Variants in NCEH1 observed in about 807,000 individuals in gnomAD.
The protein encoded by NCEH1 is 2-acetyl MAGE hydrolase.
NCEH1 carries 9 observed loss-of-function variants against 25.4 expected under a neutral mutation model. That is an observed-to-expected ratio of 0.35 (90% CI 0.21 to 0.62). NCEH1 has a LOEUF of 0.62. NCEH1 is among the 20% of genes least tolerant of loss of function. The probability of loss-of-function intolerance (pLI) is 0.72; values close to 1 mark genes in which losing one functional copy is unlikely to be tolerated. For missense variants in NCEH1, 412 were observed against 501.1 expected (o/e 0.82, Z 1.70); for synonymous variants, 200 against 199.8 (o/e 1.00, Z -0.01).
intron 1 of NCEH1, among the ~76,000 whole-genome samples, chr3:172,683,202 G>A (rs1488725353): frequency 1.5e-5 from 1 of 66,822 alleles, no homozygotes; most frequent in East Asian, 3.3e-4. Flanking sequence ...AGGAGATCGA[G>A]ACCATCCCAG....
intron 1 of NCEH1, among the ~76,000 whole-genome samples, chr3:172,652,791 G>A (rs1392932353): frequency 1.3e-5 from 2 of 152,056 alleles, no homozygotes; most frequent in Non-Finnish European, 2.9e-5. Context: ...TGCCTCCCTG[G>A]TTGAAGCGAT....
intron 1 of NCEH1, among the ~76,000 whole-genome samples, chr3:172,701,452 T>TTTTC: frequency 7.3e-6 from 1 of 136,334 alleles, no homozygotes; most frequent in East Asian, 2.0e-4. Context: ...CTTTTGCCTT[T>TTTTC]TTTTTTTTTT....
chr3:172,693,297 TTAAG>T (rs1713169104), intron 1 of NCEH1, among the ~76,000 whole-genome samples: 1 of 152,218 alleles, frequency 6.6e-6, no homozygotes, highest in Admixed American at 6.5e-5. Flanking sequence ...GACTATATGT[TTAAG>T]TATAACTTCA....
At position 172,633,332 on chromosome 3, in the gene NCEH1, G is replaced by C; in HGVS notation, c.*143C>G. On this transcript the variant is annotated 3_prime_UTR_variant, in exon 5 of 5. Transcript: ENST00000475381. ...TTTTTAAAAATTAGGTTATCATAAA[G>C]ACTTCAGTTATGGAATAGAAATTCC... 1 of 797,112 alleles carries C rather than the reference G, an allele frequency of 1.3e-6. No homozygotes were observed. Among genetic ancestry groups the C allele is most frequent in the Non-Finnish European group, 2.0e-6 (1 of 498,484 alleles). The allele number at this position is 797,112 out of a possible 1,614,324, so 49.4% of individuals were successfully genotyped here.
chr3:172,643,070 C>A (rs1040513914), intron 3 of NCEH1, among the ~76,000 whole-genome samples: 2 of 152,028 alleles, frequency 1.3e-5, no homozygotes, highest in Non-Finnish European at 2.9e-5. Flanking sequence ...TCCCCAGTAG[C>A]TGGGATTACA....
At chr3:172,651,191 A>G (rs550079555) in intron 1 of NCEH1, among the ~76,000 whole-genome samples, 1 of 152,270 alleles carries the variant, frequency 6.6e-6, no homozygotes, top group East Asian at 1.9e-4. Flanking sequence ...GACATTAAGG[A>G]GCCAGTACAG....
intron 1 of NCEH1, among the ~76,000 whole-genome samples, chr3:172,708,379 G>C (rs761660259): frequency 1.4e-4 from 21 of 152,264 alleles, no homozygotes; most frequent in Non-Finnish European, 2.9e-4. Context: ...TTTTGAGACA[G>C]AGTTTCACTC....
At chr3:172,701,335 G>A (rs981632478) in intron 1 of NCEH1, among the ~76,000 whole-genome samples, 2 of 151,552 alleles carry the variant, frequency 1.3e-5, no homozygotes, top group South Asian at 2.1e-4. Context: ...CTTCCTCTCC[G>A]ATGCTCCATA....
At chr3:172,646,760 C>T (rs1482220201) in intron 2 of NCEH1, among the ~76,000 whole-genome samples, 1 of 152,226 alleles carries the variant, frequency 6.6e-6, no homozygotes, top group African/African-American at 2.4e-5. Context: ...TGTAATCCAT[C>T]CCATTCCTGG....
intron 2 of NCEH1, 26 bp from the exon 3 acceptor site, chr3:172,645,718 T>C (rs755141221): frequency 5.5e-6 from 8 of 1,462,258 alleles, no homozygotes; most frequent in Non-Finnish European, 6.6e-6. Flanking sequence ...GGAACAATCA[T>C]TACAAAACAG....
chr3:172,635,985 A>G lies in NCEH1; in HGVS notation c.540T>C (p.Val180=). The G allele has an allele frequency of 6.2e-7, 1 of 1,614,216 alleles. No individual in the cohort carries two copies. Among genetic ancestry groups the G allele is most frequent in the Non-Finnish European group, 8.5e-7 (1 of 1,180,030 alleles). Residue 180 remains valine (V), a synonymous_variant, in exon 4 of 5, where the codon GTT becomes GTC. Coordinates refer to ENST00000475381, the MANE Select transcript of NCEH1 (RefSeq NM_020792.6). ...CAGAAATGCAAATTCTGCCTGGATC[A>G]ACCATATACTTCTGTAAGACTTCTG... The part of the protein sequence containing the change: ...LKPEVLQKYM[V]DPGRICISGD...
At chr3:172,679,700 C>T (rs1712232047) in intron 1 of NCEH1, among the ~76,000 whole-genome samples, 1 of 151,956 alleles carries the variant, frequency 6.6e-6, no homozygotes, top group African/African-American at 2.4e-5. Context: ...GAAAAGGTGG[C>T]TTAAAGGGCC....
At chr3:172,688,414 G>A (rs1166972929) in intron 1 of NCEH1, among the ~76,000 whole-genome samples, 4 of 150,460 alleles carry the variant, frequency 2.7e-5, no homozygotes, top group South Asian at 2.1e-4. Flanking sequence ...TCAAGCTGAC[G>A]CACTTGTTTC....
intron 1 of NCEH1, among the ~76,000 whole-genome samples, chr3:172,690,869 T>G (rs1436355823): frequency 6.6e-6 from 1 of 152,134 alleles, no homozygotes; most frequent in Non-Finnish European, 1.5e-5. Context: ...TTTTTTTTTC[T>G]ATTTTCCAAA....
At chr3:172,691,600 A>C (rs1473866350) in intron 1 of NCEH1, among the ~76,000 whole-genome samples, 1 of 152,424 alleles carries the variant, frequency 6.6e-6, no homozygotes, top group African/African-American at 2.4e-5. Context: ...GGAATTACTT[A>C]GGAGTAATTA....
At chr3:172,701,369 G>A (rs6794894) in intron 1 of NCEH1, among the ~76,000 whole-genome samples, 2,541 of 151,000 alleles carry the variant, frequency 0.017, 78 homozygotes, top group African/African-American at 0.059. Flanking sequence ...CAGCAACTCT[G>A]ATCAGCTTTC....
At chr3:172,651,363 C>T (rs1233778396) in intron 1 of NCEH1, among the ~76,000 whole-genome samples, 1 of 152,062 alleles carries the variant, frequency 6.6e-6, no homozygotes, top group Non-Finnish European at 1.5e-5. Context: ...ATGAATATTA[C>T]CTAACTTTTT....
intron 3 of NCEH1, among the ~76,000 whole-genome samples, chr3:172,644,712 A>C (rs1211915803): frequency 1.3e-5 from 2 of 152,252 alleles, no homozygotes; most frequent in East Asian, 1.9e-4. Flanking sequence ...CATTCCATAA[A>C]TATTTACTGA....
At chr3:172,685,006 C>G (rs968402105) in intron 1 of NCEH1, among the ~76,000 whole-genome samples, 1 of 147,416 alleles carries the variant, frequency 6.8e-6, no homozygotes, top group Non-Finnish European at 1.5e-5. Flanking sequence ...AAAAAAGACC[C>G]ATCTTTGGGC....
Sources: gnomAD v4.1 joint callset for allele counts (sites outside exome capture counted in the v4.1 genomes callset) on GRCh38, gnomAD v4.1.1 for gene constraint, MANE v1.5 for transcripts, NCBI Gene and HGNC (gene_info 2026-07-23, HGNC 2026-07-21) for gene names.